HIVEP3: variants seen among roughly 807,000 people sequenced by gnomAD.
HIVEP3 encodes the protein HIVEP zinc finger 3.
A neutral mutation model predicts 152.8 loss-of-function variants in HIVEP3; 49 were observed. That is an observed-to-expected ratio of 0.32 (90% CI 0.26 to 0.41). The LOEUF (loss-of-function observed/expected upper bound fraction) is 0.41. Ranked by LOEUF, HIVEP3 falls within the 10% of genes least tolerant of loss-of-function variation. HIVEP3 has a pLI of 1.00. For missense variants in HIVEP3, 2,790 were observed against 3,103.3 expected (o/e 0.90, Z 2.40); for synonymous variants, 1,269 against 1,289.0 (o/e 0.98, Z 0.33).
intron 1 of HIVEP3, among the ~76,000 whole-genome samples, chr1:41,795,328 T>C (rs1649922096): frequency 6.6e-6 from 1 of 152,236 alleles, no homozygotes; most frequent in African/African-American, 2.4e-5. Context: ...TTCTCGTGAT[T>C]AAACAGGGGC....
intron 1 of HIVEP3, among the ~76,000 whole-genome samples, chr1:41,973,574 G>A (rs1158541449): frequency 1.3e-5 from 2 of 152,252 alleles, no homozygotes; most frequent in African/African-American, 2.4e-5. Context: ...CAGAGACAGA[G>A]AGGCTGCTGG....
In HIVEP3 at chr1:41,902,414, C is replaced by A. The variant is rs558332301; in HGVS notation, c.-801+15999G>T. On this transcript the variant is annotated intron_variant, in intron 1 of 8. Coordinates refer to ENST00000372583, the MANE Select transcript of HIVEP3 (RefSeq NM_024503.5). ...CCACATCCCAGCCTCAGCCTGACCC[C>A]AGGGAGGGTCCTGGAATGTAAACCG... 1.3e-4 allele frequency among the ~76,000 whole-genome samples: 20 copies of A among 152,274 alleles called. No homozygotes were observed. The East Asian group carries it at 3.9e-3, about 29-fold the overall frequency.
At chr1:41,726,933 G>A (rs1646760721) in intron 1 of HIVEP3, among the ~76,000 whole-genome samples, 3 of 152,174 alleles carry the variant, frequency 2.0e-5, no homozygotes, top group Admixed American at 1.3e-4. Context: ...GTAGAGGGCT[G>A]TACATATGGA....
Position 41,581,403 on chromosome 1 carries a change from G to T in HIVEP3, c.3395C>A (p.Pro1132His). 1.2e-6 allele frequency: 2 copies of T among 1,606,600 alleles called. No individual in the cohort carries two copies. The highest frequency in any genetic ancestry group is 2.2e-5 in the South Asian group (2 of 89,402). Reference sequence around the variant, plus strand: ...GGGCAGGTATGGCTTCTCATGCAGGGGTGTCTGGGCAACGGGGTGGTGGAA... The same window carrying T: ...GGGCAGGTATGGCTTCTCATGCAGGTGTGTCTGGGCAACGGGGTGGTGGAA... ...QVFHHPVAQTPLHEKPYLPPP... is the reference protein window; with the variant it reads ...QVFHHPVAQTHLHEKPYLPPP... Residue 1132 changes from proline to histidine, a missense_variant, in exon 4 of 9, where the codon CCC becomes CAC. Transcript: ENST00000372583. This position sits in a 1 kb window ranked among gnomAD's most constrained non-coding sequence, Gnocchi z 4.5.
Position 41,797,085 on chromosome 1 carries a change from C to A in HIVEP3, c.-800-96090G>T, listed in dbSNP as rs540691394. The stretch of plus-strand genomic sequence containing the variant: ...TCTTTCTCACTCAGAGTTCTCCCTC[C>A]CTGGCATCCTCCGTGAAGGGCCTCC... On this transcript the variant is annotated intron_variant, in intron 1 of 8. Transcript: ENST00000372583. 6.2e-4 allele frequency among the ~76,000 whole-genome samples: 95 copies of A among 152,312 alleles called. No homozygotes were observed. The South Asian group carries it at 0.017, about 28-fold the overall frequency.
chr1:41,591,550 G>A (rs933998761), intron 3 of HIVEP3, among the ~76,000 whole-genome samples: 1 of 151,976 alleles, frequency 6.6e-6, no homozygotes, highest in African/African-American at 2.4e-5. Context: ...AATCATGGAT[G>A]AAAATCATCA....
intron 5 of HIVEP3, among the ~76,000 whole-genome samples, chr1:41,531,994 G>C (rs1453381149): frequency 8.0e-6 from 1 of 125,614 alleles, no homozygotes; most frequent in Admixed American, 7.6e-5. Flanking sequence ...AGAGATGGAG[G>C]ACAGGGGAGA....
In HIVEP3 at chr1:41,583,297, T is replaced by C; in HGVS notation, c.1501A>G (p.Lys501Glu). Residue 501 changes from lysine to glutamate, a missense_variant, in exon 4 of 9, where the codon AAA (lysine) becomes GAA (glutamate). Lys to Glu is a moderately conservative substitution (Grantham distance 56, BLOSUM62 1). Around this residue, in one of 9 missense-constraint regions of HIVEP3, gnomAD observed 134 missense variants for 242.5 expected, o/e 0.55. Transcript: ENST00000372583. This position sits in a 1 kb window ranked among gnomAD's most constrained non-coding sequence, Gnocchi z 6.9. ...LSRRSSMESP[K>E]SSLYREPLSS... ...AGGGGCTCCCGGTAGAGGCTGGATTTTGGGGACTCCATGCTGCTGCGCCTG... is the reference window on the plus strand; with the variant it reads ...AGGGGCTCCCGGTAGAGGCTGGATTCTGGGGACTCCATGCTGCTGCGCCTG... The C allele has an allele frequency of 6.2e-7, 1 of 1,612,726 alleles. No homozygotes were observed. Among genetic ancestry groups the C allele is most frequent in the Non-Finnish European group, 8.5e-7 (1 of 1,179,460 alleles).
intron 1 of HIVEP3, among the ~76,000 whole-genome samples, chr1:42,005,413 T>C (rs905406783): frequency 1.2e-4 from 18 of 152,132 alleles, no homozygotes; most frequent in African/African-American, 4.3e-4. Context: ...TACACACATA[T>C]GTGTATATAT....
rs1056970402 is a variant in HIVEP3 at position 41,873,324 on chromosome 1, A to G, written c.-801+45089T>C. Among the ~76,000 whole-genome samples the G allele has an allele frequency of 3.9e-5, 6 of 152,224 alleles. No individual in the cohort carries two copies. Among genetic ancestry groups the G allele is most frequent in the Non-Finnish European group, 8.8e-5 (6 of 68,026 alleles). The stretch of plus-strand genomic sequence containing the variant: ...AGGAGAGACAGGACTTGGGGGTACC[A>G]CTAGGCCCCGGGGACATGCACTCAG... On this transcript the variant is annotated intron_variant, in intron 1 of 8. Transcript: ENST00000372583. The surrounding 1 kb of genome is among the most constrained non-coding windows in gnomAD (Gnocchi z 4.2).
In HIVEP3 at chr1:41,518,338, A is replaced by AGGT. The variant is rs1335274491; in HGVS notation, c.5470+61_5470+63dup. On this transcript the variant is annotated intron_variant, in intron 7 of 8. Transcript: ENST00000372583. ...AGGAAGCAGGGAAGGCAAGCAGGAA[A>AGGT]GGTGGAGGAGGATAGGGAAAGCGGA... 3.7e-6 allele frequency: 5 copies of AGGT among 1,365,424 alleles called. No individual in the cohort carries two copies. The Admixed American group carries it at 8.4e-5, about 23-fold the overall frequency. 84.6% of individuals were successfully genotyped at this position (1,365,424 alleles called of 1,614,324 possible). A position where few individuals can be genotyped will look rare whatever the true frequency, so the allele number is the denominator to read the frequency against.
intron 1 of HIVEP3, among the ~76,000 whole-genome samples, chr1:41,992,010 G>A (rs1645365151): frequency 6.7e-6 from 1 of 149,284 alleles, no homozygotes; most frequent in South Asian, 2.2e-4. Context: ...AAAATAATAA[G>A]AGCTATCTAT....
intron 1 of HIVEP3, among the ~76,000 whole-genome samples, chr1:41,833,798 T>C (rs1215381454): frequency 6.6e-6 from 1 of 152,168 alleles, no homozygotes; most frequent in Non-Finnish European, 1.5e-5. Context: ...ACCCAGCTCA[T>C]CTGGATAATA....
At chr1:41,785,995 T>G (rs1327044011) in intron 1 of HIVEP3, among the ~76,000 whole-genome samples, 1 of 151,844 alleles carries the variant, frequency 6.6e-6, no homozygotes, top group Non-Finnish European at 1.5e-5. Context: ...TGAAACTCTG[T>G]CTCAAAAAAA....
At chr1:41,632,764 A>T (rs917323159) in intron 2 of HIVEP3, among the ~76,000 whole-genome samples, 2 of 152,090 alleles carry the variant, frequency 1.3e-5, no homozygotes, top group African/African-American at 4.8e-5. Context: ...TCAAAGAAAA[A>T]AAAAAGAATA....
intron 5 of HIVEP3, among the ~76,000 whole-genome samples, chr1:41,541,369 G>A (rs933110535): frequency 2.6e-5 from 4 of 152,192 alleles, no homozygotes; most frequent in African/African-American, 9.7e-5. Flanking sequence ...AGGGATGCCT[G>A]TTGTGAGTCC....
At chr1:41,851,286 CTTCTTTTTTTTTTTT>C (rs1643590342) in intron 1 of HIVEP3, among the ~76,000 whole-genome samples, 1 of 102,030 alleles carries the variant, frequency 9.8e-6, no homozygotes, top group African/African-American at 3.8e-5. Flanking sequence ...CCTTCTTCTT[CTTCTTTTTTTTTTTT>C]TTTTTTTTTT....
chr1:41,581,592 C>T lies in HIVEP3; in HGVS notation c.3206G>A (p.Ser1069Asn). ...ACTGGATGAGGGCTGTGGTTCTTCG[C>T]TCTCCTGTCTTCCCTTGGGGGCAAC... ...LEVAPKGRQESEEPQPSSSKP... is the reference protein window; with the variant it reads ...LEVAPKGRQENEEPQPSSSKP... The change falls in exon 4 of 9, where the codon AGC (serine) becomes AAC (asparagine). Residue 1069 changes from serine (S) to asparagine (N), a missense_variant. By Grantham distance (46) the Ser-to-Asn change is conservative (BLOSUM62 1). Around this residue, in one of 9 missense-constraint regions of HIVEP3, gnomAD observed 1,078 missense variants for 1,165.3 expected, o/e 0.93. Transcript: ENST00000372583. This position sits in a 1 kb window ranked among gnomAD's most constrained non-coding sequence, Gnocchi z 4.5. 1 of 1,613,676 alleles carries T rather than the reference C, an allele frequency of 6.2e-7. No homozygotes were observed. The highest frequency in any genetic ancestry group is 8.5e-7 in the Non-Finnish European group (1 of 1,179,836).
intron 3 of HIVEP3, among the ~76,000 whole-genome samples, chr1:41,599,751 T>A (rs67999841): frequency 0.091 from 13,899 of 152,132 alleles, 693 homozygotes; most frequent in Middle Eastern, 0.18. Context: ...AAATTTAAAA[T>A]CTTCTATGCG....
Sources: allele counts gnomAD v4.1 joint callset (sites outside exome capture counted in the v4.1 genomes callset), GRCh38; gene constraint gnomAD v4.1.1; regional missense constraint gnomAD v4.1.1; non-coding constraint Gnocchi (gnomAD v3.1); transcripts MANE v1.5; gene names NCBI Gene and HGNC (gene_info 2026-07-23, HGNC 2026-07-21).